TAS2R1: variants seen among roughly 807,000 people sequenced by gnomAD.
TAS2R1 encodes the protein taste 2 receptor member 1.
For missense variants in TAS2R1, 370 were observed against 353.4 expected (o/e 1.05, Z -0.38); for synonymous variants, 141 against 134.2 (o/e 1.05, Z -0.35).
At chr5:9,833,371 C>T in the TAS2R1 span, among the ~76,000 whole-genome samples, 151 of 152,232 alleles carry the variant, frequency 9.9e-4, no homozygotes, top group Non-Finnish European at 1.8e-3. Flanking sequence ...TTTTGGGGTC[C>T]CAAGATGTAT....
chr5:9,755,090 G>A, the TAS2R1 span, among the ~76,000 whole-genome samples: 2 of 151,996 alleles, frequency 1.3e-5, no homozygotes, highest in Non-Finnish European at 2.9e-5. Flanking sequence ...CATAATTTAC[G>A]GTTCATTAGC....
the TAS2R1 span, among the ~76,000 whole-genome samples, chr5:9,786,101 AGTTT>A: frequency 4.6e-5 from 7 of 152,204 alleles, no homozygotes; most frequent in Non-Finnish European, 8.8e-5. Flanking sequence ...TACATAATCT[AGTTT>A]CTAGAAGCAG....
intron 2 of TAS2R1, among the ~76,000 whole-genome samples, chr5:9,640,493 TC>T (rs1457521407): frequency 1.3e-5 from 1 of 77,546 alleles, no homozygotes; most frequent in Non-Finnish European, 2.4e-5. Flanking sequence ...AACCTTCAAT[TC>T]CTTAAAAAAA....
intron 1 of TAS2R1, among the ~76,000 whole-genome samples, chr5:9,696,641 TG>T (rs1428694838): frequency 3.9e-5 from 6 of 152,114 alleles, no homozygotes; most frequent in Admixed American, 6.5e-5. Flanking sequence ...TAGCCAAGTA[TG>T]TAATCAGAGG....
At chr5:9,711,977 G>GT (rs60664247) in intron 1 of TAS2R1, among the ~76,000 whole-genome samples, 4,588 of 104,742 alleles carry the variant, frequency 0.044, 296 homozygotes, top group African/African-American at 0.15. Flanking sequence ...TATGTTCAAC[G>GT]TTTTTTTTTT....
the TAS2R1 span, among the ~76,000 whole-genome samples, chr5:9,890,437 G>T: frequency 6.6e-6 from 1 of 152,036 alleles, no homozygotes; most frequent in Non-Finnish European, 1.5e-5. Flanking sequence ...AGCTTCTGTA[G>T]GTCCCCTATC....
chr5:9,653,475 T>C (rs1192650675), intron 2 of TAS2R1, among the ~76,000 whole-genome samples: 9 of 122,424 alleles, frequency 7.4e-5, no homozygotes, highest in Admixed American at 7.0e-4. Flanking sequence ...GCTATAAACA[T>C]GGGTGTACAA....
At chr5:9,712,621 A>C (rs867378812), upstream of TAS2R1, among the ~76,000 whole-genome samples, 7 of 152,292 alleles carry the variant, frequency 4.6e-5, no homozygotes, top group East Asian at 5.8e-4. Context: ...CCAGACTACA[A>C]CACCAACTCA....
intron 2 of TAS2R1, among the ~76,000 whole-genome samples, chr5:9,653,004 T>C (rs1213935249): frequency 6.6e-6 from 1 of 152,184 alleles, no homozygotes; most frequent in Non-Finnish European, 1.5e-5. Flanking sequence ...CACTTTGGAA[T>C]CTGAAGCTCT....
At chr5:9,642,684 C>G (rs1046614622) in intron 2 of TAS2R1, among the ~76,000 whole-genome samples, 4 of 152,164 alleles carry the variant, frequency 2.6e-5, no homozygotes, top group Non-Finnish European at 5.9e-5. Flanking sequence ...TTTTCTTACT[C>G]CACTCAATAT....
At chr5:9,792,042 C>T in the TAS2R1 span, among the ~76,000 whole-genome samples, 1 of 152,176 alleles carries the variant, frequency 6.6e-6, no homozygotes, top group Non-Finnish European at 1.5e-5. Context: ...ATAACAAGGA[C>T]TTCGGATTTG....
chr5:9,833,919 C>T, the TAS2R1 span, among the ~76,000 whole-genome samples: 4 of 152,220 alleles, frequency 2.6e-5, no homozygotes, highest in East Asian at 7.7e-4. Context: ...TAAAAAAGAC[C>T]CTGAGGCATC....
chr5:9,706,268 G>A (rs1435014790), intron 1 of TAS2R1, among the ~76,000 whole-genome samples: 1 of 152,184 alleles, frequency 6.6e-6, no homozygotes, highest in Non-Finnish European at 1.5e-5. Context: ...TGGGCCAGTG[G>A]GGAAGGGAGG....
chr5:9,875,111 A>T, the TAS2R1 span, among the ~76,000 whole-genome samples: 1 of 152,184 alleles, frequency 6.6e-6, no homozygotes, highest in African/African-American at 2.4e-5. Context: ...GACTTCATGG[A>T]AGAGAGAGGA....
At chr5:9,652,288 C>T (rs1486568184) in intron 2 of TAS2R1, among the ~76,000 whole-genome samples, 1 of 152,190 alleles carries the variant, frequency 6.6e-6, no homozygotes, top group African/African-American at 2.4e-5. Flanking sequence ...CTACAGTTCT[C>T]ATGAGTATCT....
At chr5:9,728,220 G>T in the TAS2R1 span, among the ~76,000 whole-genome samples, 1 of 152,064 alleles carries the variant, frequency 6.6e-6, no homozygotes, top group South Asian at 2.1e-4. Flanking sequence ...GCACAACAGA[G>T]ATAATGTAGA....
the TAS2R1 span, among the ~76,000 whole-genome samples, chr5:9,777,585 A>T: frequency 6.6e-6 from 1 of 152,250 alleles, no homozygotes; most frequent in Non-Finnish European, 1.5e-5. Context: ...TCAAAACTCC[A>T]GTTAATGTTG....
the TAS2R1 span, among the ~76,000 whole-genome samples, chr5:9,726,689 C>T: frequency 1.3e-5 from 2 of 152,174 alleles, no homozygotes; most frequent in South Asian, 4.1e-4. Flanking sequence ...TAATAGTTAC[C>T]GCGAGGGTCC....
At chr5:9,852,882 T>C in the TAS2R1 span, among the ~76,000 whole-genome samples, 44 of 152,248 alleles carry the variant, frequency 2.9e-4, no homozygotes, top group African/African-American at 1.0e-3. Flanking sequence ...ATTTAGCCCA[T>C]TGGCATCATT....
Sources: gnomAD v4.1 joint callset for allele counts (sites outside exome capture counted in the v4.1 genomes callset) on GRCh38, gnomAD v4.1.1 for gene constraint, MANE v1.5 for transcripts, NCBI Gene and HGNC (gene_info 2026-07-23, HGNC 2026-07-21) for gene names.